Variants in KLHL2 observed in about 807,000 individuals in gnomAD.
The protein encoded by KLHL2 is kelch like family member 2.
A neutral mutation model predicts 75.8 loss-of-function variants in KLHL2; 15 were observed. That is an observed-to-expected ratio of 0.20 (90% CI 0.13 to 0.30). The LOEUF is 0.30. Among genes scored for constraint, KLHL2 ranks in the 10% least tolerant of loss-of-function variants. The probability of loss-of-function intolerance (pLI) is 1.00; values close to 1 mark genes in which losing one functional copy is unlikely to be tolerated. For missense variants in KLHL2, 381 were observed against 741.0 expected, an observed-to-expected ratio of 0.51 and a Z score of 5.64; for synonymous variants, 214 against 251.9, an observed-to-expected ratio of 0.85 and a Z score of 1.42.
At chr4:165,311,805 CTCTCTG>C (rs1746209302) in intron 11 of KLHL2, among the ~76,000 whole-genome samples, 1 of 101,904 alleles carries the variant, frequency 9.8e-6, no homozygotes, top group Non-Finnish European at 2.0e-5. Flanking sequence ...CTCCTCCTTT[CTCTCTG>C]TGTGTGTGTG....
chr4:165,212,071 G>A (rs1737232804), intron 1 of KLHL2, among the ~76,000 whole-genome samples: 1 of 152,118 alleles, frequency 6.6e-6, no homozygotes, highest in African/African-American at 2.4e-5. Context: ...CATTTCTGTA[G>A]TGTTCTACCA....
chr4:165,284,536 T>C (rs1743941088), intron 5 of KLHL2, among the ~76,000 whole-genome samples: 1 of 152,218 alleles, frequency 6.6e-6, no homozygotes, highest in Non-Finnish European at 1.5e-5. Flanking sequence ...TGGATTTCAT[T>C]GTCCATATCA....
intron 2 of KLHL2, among the ~76,000 whole-genome samples, chr4:165,221,135 A>G (rs1737955376): frequency 6.6e-6 from 1 of 152,222 alleles, no homozygotes. Context: ...ATAAATATTT[A>G]TCTGCTAGGT....
chr4:165,223,904 C>A (rs771048144), intron 2 of KLHL2: 10 of 445,870 alleles, frequency 2.2e-5, no homozygotes, highest in South Asian at 1.6e-4. Flanking sequence ...CAGACTGTAC[C>A]CCAGGTAAGT....
intron 13 of KLHL2, among the ~76,000 whole-genome samples, chr4:165,317,310 G>A (rs1407867140): frequency 1.3e-5 from 2 of 151,116 alleles, no homozygotes; most frequent in African/African-American, 4.9e-5. Flanking sequence ...CTGCATAAAT[G>A]ACACTCAGTA....
intron 14 of KLHL2, among the ~76,000 whole-genome samples, chr4:165,320,351 GC>G (rs1443920891): frequency 6.6e-6 from 1 of 152,116 alleles, no homozygotes; most frequent in African/African-American, 2.4e-5. Flanking sequence ...TAACAAGAAG[GC>G]CTAGACAAGA....
At chr4:165,222,367 T>G (rs1326145885) in intron 2 of KLHL2, among the ~76,000 whole-genome samples, 1 of 152,128 alleles carries the variant, frequency 6.6e-6, no homozygotes, top group East Asian at 1.9e-4. Flanking sequence ...AGCTCCAGTC[T>G]TCATTCATCT....
At chr4:165,305,755 T>G in intron 9 of KLHL2, 30 bp downstream of exon 9, 5 of 1,406,582 alleles carry the variant, frequency 3.6e-6, no homozygotes, top group Non-Finnish European at 4.0e-6. Flanking sequence ...GTCAATTCTC[T>G]ACTCCTGGGT....
Position 165,294,412 on chromosome 4 carries a change from G to A in KLHL2, c.598G>A (p.Glu200Lys), listed in dbSNP as rs762932752. 5.6e-6 allele frequency: 9 copies of A among 1,611,482 alleles called. No individual in the cohort carries two copies. In the African/African-American group the frequency reaches 1.1e-4, roughly 19 times the overall value. ...LSEEFLNLGI[E>K]QVCSLISSDK... ...TGAAGAATTTCTCAATCTTGGCATC[G>A]AACAAGTGTGCAGCTTAATCTCAAG... The change falls in exon 6 of 15, where the codon GAA becomes AAA. Residue 200 changes from glutamate (E) to lysine (K), a missense_variant. Physicochemically the swap from Glu to Lys is moderately conservative, Grantham distance 56. This residue lies in a region of KLHL2 where 111 missense variants were observed against 150.1 expected (regional missense o/e 0.74). Coordinates refer to ENST00000226725, the MANE Select transcript of KLHL2 (RefSeq NM_007246.4).
Position 165,298,764 on chromosome 4 carries a change from C to T in KLHL2, c.772-743C>T, listed in dbSNP as rs111741790. 3.6e-3 allele frequency among the ~76,000 whole-genome samples: 540 copies of T among 152,030 alleles called. 4 individuals are homozygous for T. Among genetic ancestry groups the T allele is most frequent in the African/African-American group, 0.013 (519 of 41,460 alleles). On this transcript the variant is annotated intron_variant, in intron 7 of 14. Transcript: ENST00000226725. ...CAGCCTGGCTAACGTGGTGAATCCC[C>T]GTCTCTACTAAAAATACAAAAAATT...
intron 5 of KLHL2, among the ~76,000 whole-genome samples, chr4:165,285,574 T>C (rs1415412951): frequency 2.6e-5 from 4 of 152,004 alleles, no homozygotes; most frequent in African/African-American, 7.3e-5. Context: ...TCCTGGCTAA[T>C]TTTTGTATTT....
intron 1 of KLHL2, chr4:165,209,912 T>G (rs1313678473): frequency 1.4e-5 from 13 of 946,746 alleles, no homozygotes; most frequent in Non-Finnish European, 2.0e-5. Context: ...TTGCCACCCC[T>G]TGGCCTGTTT....
chr4:165,305,719 A>G lies in KLHL2; in HGVS notation c.1033A>G (p.Arg345Gly). 6.2e-7 allele frequency: 1 copy of G among 1,607,398 alleles called. No individual in the cohort carries two copies. The highest frequency in any genetic ancestry group is 8.5e-7 in the Non-Finnish European group (1 of 1,173,798). ...QVAELPSRRCRAGMVYMAGLV... is the reference protein window; with the variant it reads ...QVAELPSRRCGAGMVYMAGLV... ...AGCAGAGTTGCCTTCCAGGAGGTGC[A>G]GGGCAGGTAAGCATGATGCATCATG... The change falls in exon 9 of 15, where the codon AGG becomes GGG. Residue 345 changes from arginine to glycine, a missense_variant. Physicochemically the swap from Arg to Gly is moderately radical, Grantham distance 125. Around this residue, in one of 5 missense-constraint regions of KLHL2, gnomAD observed 168 missense variants for 370.4 expected, o/e 0.45. Coordinates refer to ENST00000226725, the MANE Select transcript of KLHL2 (RefSeq NM_007246.4).
At chr4:165,266,840 T>C in intron 5 of KLHL2, among the ~76,000 whole-genome samples, 1 of 152,172 alleles carries the variant, frequency 6.6e-6, no homozygotes, top group Non-Finnish European at 1.5e-5. Context: ...AAAGTAGTTT[T>C]TTCCAATTCT....
At chr4:165,296,259 G>A (rs1029186641) in intron 6 of KLHL2, among the ~76,000 whole-genome samples, 1 of 152,120 alleles carries the variant, frequency 6.6e-6, no homozygotes, top group Admixed American at 6.6e-5. Context: ...GTCTGGCTCC[G>A]GGGCTCCCGG....
chr4:165,322,018 A>C lies in KLHL2; in HGVS notation c.1754-14A>C. 7 of 1,613,162 alleles carry C rather than the reference A, an allele frequency of 4.3e-6. No homozygotes were observed. The highest frequency in any genetic ancestry group is 5.9e-6 in the Non-Finnish European group (7 of 1,179,350). ...CCTGTGACTTCTTTTTTCTCTCTTC[A>C]TTTCTTTGCTCAGGGGTCACAGTTA... is the stretch of plus-strand genomic sequence containing the variant. On this transcript the variant is annotated splice_polypyrimidine_tract_variant and intron_variant, in intron 14 of 14. Transcript: ENST00000226725.
At chr4:165,316,071 T>G (rs539487248) in intron 13 of KLHL2, among the ~76,000 whole-genome samples, 1 of 152,330 alleles carries the variant, frequency 6.6e-6, no homozygotes, top group East Asian at 1.9e-4. Flanking sequence ...AGGTGCATCC[T>G]TTTGGCAAAG....
At chr4:165,307,580 A>G (rs1424521180) in intron 9 of KLHL2, among the ~76,000 whole-genome samples, 1 of 152,122 alleles carries the variant, frequency 6.6e-6, no homozygotes, top group Admixed American at 6.5e-5. Flanking sequence ...CTTATCTGAG[A>G]TAGTCCCAGA....
intron 8 of KLHL2, among the ~76,000 whole-genome samples, chr4:165,303,733 T>C (rs1240608940): frequency 6.6e-6 from 1 of 151,920 alleles, no homozygotes; most frequent in African/African-American, 2.4e-5. Flanking sequence ...TGGCTAATTT[T>C]TGTATTTTTG....
Sources: allele counts gnomAD v4.1 joint callset (sites outside exome capture counted in the v4.1 genomes callset), GRCh38; gene constraint gnomAD v4.1.1; regional missense constraint gnomAD v4.1.1; transcripts MANE v1.5; gene names NCBI Gene and HGNC (gene_info 2026-07-23, HGNC 2026-07-21).